Variants in NUDT6 observed in about 807,000 individuals in gnomAD.
NUDT6 encodes nudix hydrolase 6.
A neutral mutation model predicts 36.8 loss-of-function variants in NUDT6; 24 were observed. That is an observed-to-expected ratio of 0.65 (90% CI 0.47 to 0.92). NUDT6 has a LOEUF of 0.92. Ranked by LOEUF, NUDT6 falls within the 40% of genes least tolerant of loss-of-function variation. The pLI, the probability that NUDT6 is intolerant of heterozygous loss-of-function variation, is 0.00. For missense variants in NUDT6, 388 were observed against 392.8 expected, an observed-to-expected ratio of 0.99 and a Z score of 0.10; for synonymous variants, 163 against 157.0, an observed-to-expected ratio of 1.04 and a Z score of -0.29.
Position 122,922,026 on chromosome 4 carries a change from G to T in NUDT6, c.238+309C>A, listed in dbSNP as rs138537716. The stretch of plus-strand genomic sequence containing the variant: ...GTAATTCCAGGAGTTCTTATCACCG[G>T]GGTCTGTGGAAGAGGAAATGGTGGT... On this transcript the variant is annotated intron_variant, in intron 1 of 4. Transcript: ENST00000304430. 6.4e-5 allele frequency: 22 copies of T among 342,238 alleles called. No homozygotes were observed. In the East Asian group the frequency reaches 8.5e-4, roughly 13 times the overall value. 21.2% of individuals were successfully genotyped at this position (342,238 alleles called of 1,614,324 possible).
chr4:122,892,714 C>A lies in NUDT6; in HGVS notation c.*114G>T. On this transcript the variant is annotated 3_prime_UTR_variant, in exon 5 of 5. Coordinates refer to ENST00000304430, the MANE Select transcript of NUDT6 (RefSeq NM_007083.5). Reference sequence around the variant, plus strand: ...TGCATGTTTAGAAACAAAATTTCTTCATGGAAATCATATACATTAGAAAAT... The same window carrying A: ...TGCATGTTTAGAAACAAAATTTCTTAATGGAAATCATATACATTAGAAAAT... 1 of 1,341,478 alleles carries A rather than the reference C, an allele frequency of 7.5e-7. No individual in the cohort carries two copies. The highest frequency in any genetic ancestry group is 9.9e-7 in the Non-Finnish European group (1 of 1,006,348). The allele number at this position is 1,341,478 out of a possible 1,614,324, so 83.1% of individuals were successfully genotyped here. A position where few individuals can be genotyped will look rare whatever the true frequency, so the allele number is the denominator to read the frequency against.
chr4:122,901,108 G>A (rs55720138), intron 3 of NUDT6, among the ~76,000 whole-genome samples: 3,294 of 152,066 alleles, frequency 0.022, 61 homozygotes, highest in Non-Finnish European at 0.036. Flanking sequence ...TGTGAAACAA[G>A]TATTCTAAAA....
At chr4:122,918,992 ATTAAAAGGCTACT>A (rs1727910145) in intron 1 of NUDT6, 1 of 152,216 alleles carries the variant, frequency 6.6e-6, no homozygotes, top group African/African-American at 2.4e-5. Flanking sequence ...TTCCAATCAA[ATTAAAAGGCTACT>A]TTCTAAAAGC....
intron 1 of NUDT6, 183 bp from the exon 2 acceptor site, chr4:122,917,887 AT>A: frequency 6.8e-6 from 4 of 590,212 alleles, no homozygotes; most frequent in Non-Finnish European, 1.2e-5. Context: ...TGTTTATATG[AT>A]TTTTCCATCA....
At chr4:122,907,422 A>G (rs1212939506) in intron 3 of NUDT6, among the ~76,000 whole-genome samples, 2 of 147,694 alleles carry the variant, frequency 1.4e-5, no homozygotes, top group African/African-American at 5.0e-5. Context: ...GGCACCAGCC[A>G]CCGCACCTGG....
chr4:122,921,069 C>T (rs2125449), intron 1 of NUDT6: 65,144 of 152,080 alleles, frequency 0.43, 16,878 homozygotes, highest in Non-Finnish European at 0.57. Context: ...TCGACTTCTT[C>T]CAAAGTGAAG....
chr4:122,907,154 C>G lies in NUDT6; in HGVS notation c.498+5414G>C, dbSNP rs1047413362. ...ATTCTTTTCTTTCTTTTTTTTGAGA[C>G]GAGTCTCACTCTGTCGCCCTGGCTG... On this transcript the variant is annotated intron_variant, in intron 3 of 4. Coordinates refer to ENST00000304430, the MANE Select transcript of NUDT6 (RefSeq NM_007083.5). Among the ~76,000 whole-genome samples the G allele has an allele frequency of 1.3e-4, 20 of 152,006 alleles. 1 individual carries two copies. Among genetic ancestry groups the G allele is most frequent in the Admixed American group, 6.6e-4 (10 of 15,258 alleles).
intron 1 of NUDT6, 42 bp from the exon 2 acceptor site, chr4:122,917,746 C>G: frequency 1.9e-6 from 3 of 1,580,780 alleles, no homozygotes; most frequent in Non-Finnish European, 2.6e-6. Context: ...TCCAAAGAGA[C>G]GAGTGGAATA....
chr4:122,903,217 C>G lies in NUDT6; in HGVS notation c.499-5539G>C, dbSNP rs185396450. Among the ~76,000 whole-genome samples, 619 of 152,162 alleles carry G rather than the reference C, an allele frequency of 4.1e-3. 9 individuals carry two copies. Among genetic ancestry groups the G allele is most frequent in the Non-Finnish European group, 2.5e-3 (172 of 67,996 alleles). On this transcript the variant is annotated intron_variant, in intron 3 of 4. Transcript: ENST00000304430. ...TTTATAACTTAAAAAAATCAAAACC[C>G]TACTTAGGAGTGTCATTCCTACTTA...
At chr4:122,918,771 T>C (rs1317093710) in intron 1 of NUDT6, 1 of 152,156 alleles carries the variant, frequency 6.6e-6, no homozygotes, top group African/African-American at 2.4e-5. Flanking sequence ...TAGCATGCAG[T>C]GGAATTATGG....
intron 4 of NUDT6, chr4:122,893,445 CT>C (rs11340920): frequency 0.11 from 48,442 of 430,494 alleles, 3,142 homozygotes; most frequent in Middle Eastern, 0.16. Context: ...CTGAATATTT[CT>C]TTGGCTGCTA....
Position 122,922,577 on chromosome 4 carries a change from A to C in NUDT6, c.-5T>G. The C allele has an allele frequency of 2.5e-6, 4 of 1,590,694 alleles. No individual in the cohort carries two copies. Among genetic ancestry groups the C allele is most frequent in the Non-Finnish European group, 3.4e-6 (4 of 1,173,568 alleles). On this transcript the variant is annotated 5_prime_UTR_variant, in exon 1 of 5. Transcript: ENST00000304430. Reference sequence around the variant, plus strand: ...CCAGCTCAGTGGCTGCCGCATCTCCACGCCGCTTAATTCGTCCGTTGCCCA... The same window carrying C: ...CCAGCTCAGTGGCTGCCGCATCTCCCCGCCGCTTAATTCGTCCGTTGCCCA...
chr4:122,915,333 G>T (rs1439268564), intron 2 of NUDT6, among the ~76,000 whole-genome samples: 2 of 151,964 alleles, frequency 1.3e-5, no homozygotes, highest in Non-Finnish European at 2.9e-5. Flanking sequence ...AGCCTAGCAT[G>T]GTGGCGCATG....
chr4:122,904,391 T>C (rs1727578846), intron 3 of NUDT6, among the ~76,000 whole-genome samples: 1 of 152,180 alleles, frequency 6.6e-6, no homozygotes, highest in Admixed American at 6.5e-5. Context: ...TGTCAATTAA[T>C]TTGTAGCAAC....
chr4:122,919,312 G>A (rs976646943), intron 1 of NUDT6: 1 of 152,286 alleles, frequency 6.6e-6, no homozygotes, highest in African/African-American at 2.4e-5. Flanking sequence ...TGCTTCCTAG[G>A]TTCAAGCGAT....
At position 122,892,947 on chromosome 4, in the gene NUDT6, C is replaced by A. The variant is rs1560761847; in HGVS notation, c.832G>T (p.Gly278Trp). Residue 278 changes from glycine (G) to tryptophan (W), a missense_variant, in exon 5 of 5, where the codon GGG (glycine) becomes TGG (tryptophan). Transcript: ENST00000304430. ...ACAGTCAGGTCAATTTTGTCAAACC[C>A]TTCTCTGTACCCATACAGCAGCAGC... is the stretch of plus-strand genomic sequence containing the variant. The part of the protein sequence containing the change: ...ARLLLYGYRE[G>W]FDKIDLTVEE... 6.2e-7 allele frequency: 1 copy of A among 1,614,006 alleles called. No homozygotes were observed. Among genetic ancestry groups the A allele is most frequent in the Admixed American group, 1.7e-5 (1 of 59,994 alleles).
At chr4:122,912,454 A>AT (rs1727749622) in intron 3 of NUDT6, 114 bp downstream of exon 3, 8 of 751,420 alleles carry the variant, frequency 1.1e-5, no homozygotes, top group South Asian at 5.0e-5. Context: ...CTTAGAAATG[A>AT]TTTTTAAAAT....
At chr4:122,907,087 G>C (rs1211964315) in intron 3 of NUDT6, among the ~76,000 whole-genome samples, 1 of 152,170 alleles carries the variant, frequency 6.6e-6, no homozygotes, top group Non-Finnish European at 1.5e-5. Context: ...CCTTAGTGGA[G>C]AAGCCCAAGC....
Position 122,897,653 on chromosome 4 carries a change from C to T in NUDT6, c.524G>A (p.Gly175Glu), listed in dbSNP as rs765636272. ...ATCTTCTTCAGGCTCTGACAGGCCT[C>T]CTGGAAACTTCCACATATTTTTCAA... Reference protein sequence around the residue: ...NKLKNMWKFPGGLSEPEEDIG... With the variant: ...NKLKNMWKFPEGLSEPEEDIG... The change falls in exon 4 of 5, where the codon GGA becomes GAA. Residue 175 changes from glycine to glutamate, a missense_variant. By Grantham distance (98) the Gly-to-Glu change is moderately conservative (BLOSUM62 -2). Coordinates refer to ENST00000304430, the MANE Select transcript of NUDT6 (RefSeq NM_007083.5). 14 of 1,610,328 alleles carry T rather than the reference C, an allele frequency of 8.7e-6. No homozygotes were observed. In the Admixed American group the frequency reaches 2.3e-4, roughly 27 times the overall value.
Sources: gnomAD v4.1 joint callset for allele counts (sites outside exome capture counted in the v4.1 genomes callset) on GRCh38, gnomAD v4.1.1 for gene constraint, MANE v1.5 for transcripts, NCBI Gene and HGNC (gene_info 2026-07-23, HGNC 2026-07-21) for gene names.